FBLN1: variants seen among roughly 807,000 people sequenced by gnomAD.
FBLN1 encodes fibulin-1.
A neutral mutation model predicts 89.7 loss-of-function variants in FBLN1; 34 were observed. That is an observed-to-expected ratio of 0.38 (90% CI 0.29 to 0.50). The LOEUF (loss-of-function observed/expected upper bound fraction) is 0.50, where lower values mean the gene tolerates loss of function less well. Among genes scored for constraint, FBLN1 ranks in the 20% least tolerant of loss-of-function variants. The pLI, the probability that FBLN1 is intolerant of heterozygous loss-of-function variation, is 0.92. For synonymous variants in FBLN1, 393 were observed against 391.3 expected (o/e 1.00, Z -0.05); for missense variants, 777 against 988.1 (o/e 0.79, Z 2.86).
intron 1 of FBLN1, chr22:45,517,209 T>G (rs2088181469): frequency 4.0e-6 from 1 of 251,198 alleles, no homozygotes; most frequent in South Asian, 4.1e-5. Flanking sequence ...GGATTTACCC[T>G]CTAGGGGCTG....
rs182313283 is a variant in FBLN1 at position 45,537,639 on chromosome 22, A to G, written c.922+2302A>G. ...TGTGTCAAAAAAAAAAAAAAAGATA[A>G]AAAGACAAGTGGAACAGTGAGCCCT... On this transcript the variant is annotated intron_variant, in intron 8 of 16. Transcript: ENST00000327858. This position sits in a 1 kb window ranked among gnomAD's most constrained non-coding sequence, Gnocchi z 5.7. Among the ~76,000 whole-genome samples the G allele has an allele frequency of 6.6e-6, 1 of 152,140 alleles. No individual in the cohort carries two copies. The highest frequency in any genetic ancestry group is 1.5e-5 in the Non-Finnish European group (1 of 67,972).
chr22:45,586,986 G>A lies in FBLN1; in HGVS notation c.1972+9878G>A, dbSNP rs185367154. Among the ~76,000 whole-genome samples, 8 of 152,222 alleles carry A rather than the reference G, an allele frequency of 5.3e-5. No individual in the cohort carries two copies. The East Asian group carries it at 1.2e-3, about 22-fold the overall frequency. ...TATTCTGGGACCTTGACATGCTGCC[G>A]TTCTCGTGAGCTTCTGGGGGACTCC... On this transcript the variant is annotated intron_variant, in intron 16 of 16. Transcript: ENST00000327858.
intron 1 of FBLN1, among the ~76,000 whole-genome samples, chr22:45,512,228 T>TCA (rs2088111360): frequency 6.6e-6 from 1 of 152,014 alleles, no homozygotes; most frequent in Non-Finnish European, 1.5e-5. Context: ...TCCTCCTGAC[T>TCA]CACAGTGTTC....
intron 11 of FBLN1, 26 bp from the exon 12 acceptor site, chr22:45,547,059 G>A: frequency 6.2e-7 from 1 of 1,613,930 alleles, no homozygotes; most frequent in South Asian, 1.1e-5. Flanking sequence ...GATGCTCTGA[G>A]CGGTGACCCT....
At position 45,576,984 on chromosome 22, in the gene FBLN1, C is replaced by T. The variant is rs373911622; in HGVS notation, c.1848C>T (p.Ile616=). Residue 616 remains isoleucine, a synonymous_variant, in exon 16 of 17, where the codon ATC becomes ATT. Transcript: ENST00000327858. The surrounding 1 kb of genome is among the most constrained non-coding windows in gnomAD (Gnocchi z 5.2). ...FREFTRPEEI[I]FLRAITPPHP... ...CATTCTGTGCCTCTGCAGAGATCAT[C>T]TTCCTCCGGGCCATCACGCCACCGC... The T allele has an allele frequency of 3.1e-6, 5 of 1,613,988 alleles. No homozygotes were observed. Among genetic ancestry groups the T allele is most frequent in the Non-Finnish European group, 4.2e-6 (5 of 1,180,036 alleles).
chr22:45,544,561 A>G (rs2088602000), intron 11 of FBLN1, among the ~76,000 whole-genome samples: 1 of 152,242 alleles, frequency 6.6e-6, no homozygotes, highest in South Asian at 2.1e-4. Flanking sequence ...AAGTTTTTCT[A>G]AAGTAGATGC....
chr22:45,570,666 G>A (rs576655703), intron 14 of FBLN1, among the ~76,000 whole-genome samples: 5 of 152,200 alleles, frequency 3.3e-5, no homozygotes, highest in African/African-American at 7.2e-5. Flanking sequence ...AGAAGAAGCC[G>A]AATACATGGG....
rs1005737797 is a variant in FBLN1 at position 45,574,867 on chromosome 22, C to T, written c.1840+214C>T. Among the ~76,000 whole-genome samples, 3 of 151,442 alleles carry T rather than the reference C, an allele frequency of 2.0e-5. No homozygotes were observed. The highest frequency in any genetic ancestry group is 2.9e-5 in the Non-Finnish European group (2 of 67,868). ...TGCCATCTCGGCTCACTGCAAGCTC[C>T]ACCTCCCGGGTTCACGCCATTCTCC... On this transcript the variant is annotated intron_variant, in intron 15 of 16. Transcript: ENST00000327858. The surrounding 1 kb of genome is among the most constrained non-coding windows in gnomAD (Gnocchi z 4.1).
At position 45,536,262 on chromosome 22, in the gene FBLN1, C is replaced by T. The variant is rs552994145; in HGVS notation, c.922+925C>T. On this transcript the variant is annotated intron_variant, in intron 8 of 16. Coordinates refer to ENST00000327858, the MANE Select transcript of FBLN1 (RefSeq NM_006486.3). This position sits in a 1 kb window ranked among gnomAD's most constrained non-coding sequence, Gnocchi z 5.1. The stretch of plus-strand genomic sequence containing the variant: ...GAAAGTAGAATGGAAGGTGCCGGGG[C>T]TGGGCAGGGTGGGGGATGGGGAGTG... Among the ~76,000 whole-genome samples, 2 of 151,218 alleles carry T rather than the reference C, an allele frequency of 1.3e-5. No individual in the cohort carries two copies. Among genetic ancestry groups the T allele is most frequent in the East Asian group, 2.0e-4 (1 of 5,092 alleles).
chr22:45,509,516 G>C (rs2088069678), intron 1 of FBLN1, among the ~76,000 whole-genome samples: 1 of 152,126 alleles, frequency 6.6e-6, no homozygotes, highest in Non-Finnish European at 1.5e-5. Flanking sequence ...TCCTCCTGCA[G>C]AGGCCAGGTG....
intron 12 of FBLN1, among the ~76,000 whole-genome samples, chr22:45,547,562 AT>A (rs986475317): frequency 6.6e-6 from 1 of 150,944 alleles, no homozygotes; most frequent in Non-Finnish European, 1.5e-5. Context: ...TGCCTGGCTA[AT>A]TTTTTATTTT....
intron 16 of FBLN1, among the ~76,000 whole-genome samples, chr22:45,593,052 A>G (rs1361093221): frequency 6.6e-6 from 1 of 152,164 alleles, no homozygotes; most frequent in Non-Finnish European, 1.5e-5. Context: ...GCCCAAGGTC[A>G]CACAGCTGGT....
At chr22:45,535,854 C>T (rs1364069943) in intron 8 of FBLN1, among the ~76,000 whole-genome samples, 1 of 152,264 alleles carries the variant, frequency 6.6e-6, no homozygotes, top group South Asian at 2.1e-4. Flanking sequence ...TGGTGATTCC[C>T]TGCCACAGGC....
intron 14 of FBLN1, among the ~76,000 whole-genome samples, chr22:45,569,824 C>T (rs1401667140): frequency 2.6e-5 from 4 of 152,232 alleles, no homozygotes; most frequent in Non-Finnish European, 2.9e-5. Context: ...GCCTTCAGAA[C>T]CATGAGACAA....
At chr22:45,526,690 T>A in intron 3 of FBLN1, among the ~76,000 whole-genome samples, 1 of 152,164 alleles carries the variant, frequency 6.6e-6, no homozygotes, top group Admixed American at 6.5e-5. Context: ...GTGGAGGAGT[T>A]GGGGGTCCCG....
rs2089033022 is a variant in FBLN1 at position 45,580,445 on chromosome 22, T to C, written c.1972+3337T>C. ...TTCCTGGAGGAGGTGAGGCCCGAGC[T>C]GAGTGTCCTTGCATGTGAGGGAGTG... On this transcript the variant is annotated intron_variant, in intron 16 of 16. Transcript: ENST00000327858. The surrounding 1 kb of genome is among the most constrained non-coding windows in gnomAD (Gnocchi z 8.6). Among the ~76,000 whole-genome samples the C allele has an allele frequency of 6.6e-6, 1 of 152,192 alleles. No individual in the cohort carries two copies. Among genetic ancestry groups the C allele is most frequent in the African/African-American group, 2.4e-5 (1 of 41,456 alleles).
chr22:45,566,816 T>C (rs1311509415), intron 14 of FBLN1, among the ~76,000 whole-genome samples: 1 of 152,182 alleles, frequency 6.6e-6, no homozygotes, highest in East Asian at 1.9e-4. Context: ...AACCTGTGCT[T>C]TCCTGGTTGT....
chr22:45,544,230 G>T (rs948487596), intron 11 of FBLN1, among the ~76,000 whole-genome samples: 1 of 152,170 alleles, frequency 6.6e-6, no homozygotes, highest in African/African-American at 2.4e-5. Context: ...GGGATTACAG[G>T]TGCACACCAC....
At chr22:45,552,521 C>A (rs1216809407) in intron 14 of FBLN1, among the ~76,000 whole-genome samples, 1 of 152,208 alleles carries the variant, frequency 6.6e-6, no homozygotes, top group African/African-American at 2.4e-5. Context: ...AAAATCGAAG[C>A]TGCTTAACAC....
Sources: allele counts gnomAD v4.1 joint callset (sites outside exome capture counted in the v4.1 genomes callset), GRCh38; gene constraint gnomAD v4.1.1; non-coding constraint Gnocchi (gnomAD v3.1); transcripts MANE v1.5; gene names NCBI Gene and HGNC (gene_info 2026-07-23, HGNC 2026-07-21).